The following ZNF559 variants were observed in gnomAD, a reference collection of about 807,000 sequenced individuals.
ZNF559 encodes the protein zinc finger protein 559.
A neutral mutation model predicts 14.2 loss-of-function variants in ZNF559; 17 were observed. The observed-to-expected ratio is 1.20, with a 90% CI of 0.82 to 1.80. The LOEUF is 1.80. ZNF559 is among the 40% of genes most tolerant of loss of function. ZNF559 has a pLI of 0.00. For missense variants in ZNF559, 740 were observed against 629.7 expected (o/e 1.18, Z -1.88); for synonymous variants, 244 against 212.4 (o/e 1.15, Z -1.29).
At chr19:9,331,447 T>C (rs2066930447) in intron 2 of ZNF559, among the ~76,000 whole-genome samples, 1 of 152,162 alleles carries the variant, frequency 6.6e-6, no homozygotes. Flanking sequence ...TTGTCAAGGG[T>C]TAGAAAAAGA....
intron 2 of ZNF559, among the ~76,000 whole-genome samples, chr19:9,335,135 C>CAAAAAAAA (rs59300029): frequency 2.7e-4 from 34 of 124,588 alleles, no homozygotes; most frequent in African/African-American, 9.5e-4. Flanking sequence ...GACTCTGTCT[C>CAAAAAAAA]AAAAAAAAAA....
At chr19:9,330,322 T>G (rs1480383650) in intron 2 of ZNF559, 1 of 152,214 alleles carries the variant, frequency 6.6e-6, no homozygotes, top group Non-Finnish European at 1.5e-5. Context: ...TGAACCTTGT[T>G]GGGGGCTTTG....
chr19:9,324,538 A>G, intron 1 of ZNF559, 157 bp from the exon 2 acceptor site: 1 of 1,238,668 alleles, frequency 8.1e-7, no homozygotes, highest in Non-Finnish European at 1.1e-6. Flanking sequence ...CACGCCTGTC[A>G]TTCCCAGCGC....
At chr19:9,341,494 A>G (rs1341814410) in intron 6 of ZNF559, 16 of 979,648 alleles carry the variant, frequency 1.6e-5, no homozygotes, top group Non-Finnish European at 2.5e-5. Flanking sequence ...TAAAGAATAT[A>G]ACAGAACTTC....
intron 2 of ZNF559, 148 bp from the exon 3 acceptor site, chr19:9,337,648 G>A (rs1272643374): frequency 2.7e-6 from 1 of 372,218 alleles, no homozygotes; most frequent in Non-Finnish European, 4.5e-6. Flanking sequence ...TAATATGATA[G>A]TAACAAAAAC....
At position 9,341,676 on chromosome 19, in the gene ZNF559, CATT is replaced by C; in HGVS notation, c.244-17_244-15del. On this transcript the variant is annotated splice_polypyrimidine_tract_variant and intron_variant, in intron 6 of 6. Coordinates refer to ENST00000603380, the MANE Select transcript of ZNF559 (RefSeq NM_032497.3). ...AATTTGGAAAACTTCTATGAACCAT[CATT>C]AATTTTCACCAACAGGAGAGAAACC... is the stretch of plus-strand genomic sequence containing the variant. The C allele has an allele frequency of 6.3e-7, 1 of 1,599,252 alleles. No individual in the cohort carries two copies. The highest frequency in any genetic ancestry group is 1.8e-5 in the Admixed American group (1 of 54,714).
At chr19:9,327,383 G>T (rs2066676413) in intron 2 of ZNF559, among the ~76,000 whole-genome samples, 1 of 152,176 alleles carries the variant, frequency 6.6e-6, no homozygotes, top group South Asian at 2.1e-4. Flanking sequence ...GGGTAGCTGG[G>T]ATTAGAGATG....
intron 2 of ZNF559, among the ~76,000 whole-genome samples, chr19:9,329,086 T>TG (rs2066798143): frequency 6.6e-6 from 1 of 151,922 alleles, no homozygotes; most frequent in South Asian, 2.1e-4. Flanking sequence ...TTTTTTGGGC[T>TG]GGGGGTTTGA....
chr19:9,324,854 A>C, intron 2 of ZNF559, 74 bp downstream of exon 2: 1 of 1,311,726 alleles, frequency 7.6e-7, no homozygotes, highest in Non-Finnish European at 1.1e-6. Context: ...GGTGGAAAGA[A>C]ACCTTTTCAG....
intron 2 of ZNF559, among the ~76,000 whole-genome samples, chr19:9,335,058 C>T (rs767635048): frequency 1.3e-4 from 19 of 150,938 alleles, no homozygotes; most frequent in African/African-American, 2.9e-4. Context: ...ATGGCGTGAA[C>T]GCGGGAGGCG....
chr19:9,328,874 A>G lies in ZNF559; in HGVS notation c.-120+4094A>G, dbSNP rs184541312. ...TAAATGGATACTTCTTCTTGGTGTC[A>G]AAATATTACATAAGCCCTCCAGGTG... On this transcript the variant is annotated intron_variant, in intron 2 of 6. Coordinates refer to ENST00000603380, the MANE Select transcript of ZNF559 (RefSeq NM_032497.3). Among the ~76,000 whole-genome samples, 209 of 152,326 alleles carry G rather than the reference A, an allele frequency of 1.4e-3. 1 individual carries two copies. The highest frequency in any genetic ancestry group is 2.5e-3 in the Non-Finnish European group (172 of 68,034).
chr19:9,339,439 C>A (rs972970296), intron 5 of ZNF559, 120 bp downstream of exon 5: 1 of 1,182,692 alleles, frequency 8.5e-7, no homozygotes, highest in Admixed American at 2.4e-5. Context: ...AACATTGTTT[C>A]CATCTCATAG....
chr19:9,331,227 C>G (rs879716206), intron 2 of ZNF559, among the ~76,000 whole-genome samples: 1 of 152,184 alleles, frequency 6.6e-6, no homozygotes, highest in African/African-American at 2.4e-5. Context: ...AATCTCACTT[C>G]TTCCCATGAA....
chr19:9,327,115 A>G (rs572077327), intron 2 of ZNF559, among the ~76,000 whole-genome samples: 116 of 152,302 alleles, frequency 7.6e-4, no homozygotes, highest in African/African-American at 2.6e-3. Flanking sequence ...CATTTGGTCA[A>G]GGTACTCATC....
intron 2 of ZNF559, among the ~76,000 whole-genome samples, chr19:9,325,618 C>T (rs2066543473): frequency 1.3e-5 from 2 of 151,948 alleles, no homozygotes. Flanking sequence ...TAGTGAAACC[C>T]CGTCTTTACT....
chr19:9,334,612 G>T (rs1396895907), intron 2 of ZNF559, among the ~76,000 whole-genome samples: 1 of 152,208 alleles, frequency 6.6e-6, no homozygotes, highest in East Asian at 1.9e-4. Flanking sequence ...TGTGTCATGT[G>T]TGCATCAAGG....
At chr19:9,327,541 G>T (rs758507123) in intron 2 of ZNF559, among the ~76,000 whole-genome samples, 2 of 152,098 alleles carry the variant, frequency 1.3e-5, no homozygotes, top group African/African-American at 4.8e-5. Context: ...GAGCTACCGC[G>T]CCTGGCCTCA....
At chr19:9,338,806 C>G (rs921922898) in intron 4 of ZNF559, among the ~76,000 whole-genome samples, 2 of 152,136 alleles carry the variant, frequency 1.3e-5, no homozygotes, top group African/African-American at 4.8e-5. Flanking sequence ...TGACTGTCAT[C>G]CATGCTGATA....
At position 9,328,848 on chromosome 19, in the gene ZNF559, G is replaced by A. The variant is rs113111284; in HGVS notation, c.-120+4068G>A. Among the ~76,000 whole-genome samples the A allele has an allele frequency of 7.0e-3, 1,061 of 152,312 alleles. 10 individuals are homozygous for A. Among genetic ancestry groups the A allele is most frequent in the African/African-American group, 0.025 (1,021 of 41,576 alleles). ...TTCTTTGAAACTCAGCACCTGGGTT[G>A]TAAATGGATACTTCTTCTTGGTGTC... On this transcript the variant is annotated intron_variant, in intron 2 of 6. Transcript: ENST00000603380.
Sources: allele counts gnomAD v4.1 joint callset (sites outside exome capture counted in the v4.1 genomes callset), GRCh38; gene constraint gnomAD v4.1.1; transcripts MANE v1.5; gene names NCBI Gene and HGNC (gene_info 2026-07-23, HGNC 2026-07-21).